Variants in PPIP5K2 observed in about 807,000 individuals in gnomAD.
The protein encoded by PPIP5K2 is inositol hexakisphosphate and diphosphoinositol-pentakisphosphate kinase 2.
Under a neutral mutation model 154.6 loss-of-function variants are expected in PPIP5K2, and 105 were observed. The observed-to-expected ratio is 0.68, with a 90% CI of 0.58 to 0.80. The LOEUF is 0.80. PPIP5K2 is among the 30% of genes least tolerant of loss of function. The probability of loss-of-function intolerance (pLI) is 0.00; values close to 1 mark genes in which losing one functional copy is unlikely to be tolerated. For synonymous variants in PPIP5K2, 480 were observed against 490.3 expected (o/e 0.98, Z 0.28); for missense variants, 992 against 1,504.6 (o/e 0.66, Z 5.64).
intron 5 of PPIP5K2, among the ~76,000 whole-genome samples, chr5:103,145,446 C>T (rs1230381045): frequency 1.3e-5 from 2 of 152,054 alleles, no homozygotes; most frequent in Non-Finnish European, 2.9e-5. Context: ...TATTTGCACT[C>T]ATGTTTATTG....
intron 1 of PPIP5K2, among the ~76,000 whole-genome samples, chr5:103,126,432 C>T (rs1309594760): frequency 1.3e-5 from 2 of 152,078 alleles, no homozygotes; most frequent in Non-Finnish European, 2.9e-5. Context: ...TTTCTACTTA[C>T]ACACATATTT....
In PPIP5K2 at chr5:103,128,767, C is replaced by T. The variant is rs77901281; in HGVS notation, c.-284-539C>T. On this transcript the variant is annotated intron_variant, in intron 1 of 30. Transcript: ENST00000358359. ...TTTAAGAGCTGCTGTTAAATGAAAT[C>T]TTGTTCTGACTCTAATCTTTTTTTG... 6.8e-3 allele frequency among the ~76,000 whole-genome samples: 1,027 copies of T among 152,118 alleles called. 7 individuals are homozygous for T. Among genetic ancestry groups the T allele is most frequent in the Non-Finnish European group, 0.013 (855 of 67,978 alleles).
intron 17 of PPIP5K2, among the ~76,000 whole-genome samples, chr5:103,161,613 C>T (rs1183148584): frequency 2.0e-5 from 3 of 152,164 alleles, no homozygotes; most frequent in Admixed American, 6.6e-5. Flanking sequence ...ACATCCTCTC[C>T]AGCACCTGTT....
At chr5:103,178,528 C>A (rs879950204) in intron 23 of PPIP5K2, among the ~76,000 whole-genome samples, 2 of 151,488 alleles carry the variant, frequency 1.3e-5, no homozygotes, top group African/African-American at 2.4e-5. Flanking sequence ...TATAGAACTC[C>A]TCCAGCTTTG....
intron 29 of PPIP5K2, among the ~76,000 whole-genome samples, chr5:103,193,350 A>G (rs1801563523): frequency 6.6e-6 from 1 of 152,066 alleles, no homozygotes; most frequent in South Asian, 2.1e-4. Context: ...AAGCTGTAGT[A>G]TCATATACAT....
At position 103,136,799 on chromosome 5, in the gene PPIP5K2, T is replaced by C; in HGVS notation, c.378T>C (p.Asn126=). 1.2e-6 allele frequency: 2 copies of C among 1,613,536 alleles called. No homozygotes were observed. The highest frequency in any genetic ancestry group is 1.7e-6 in the Non-Finnish European group (2 of 1,179,540). Residue 126 remains asparagine (N), a synonymous_variant, in exon 4 of 31, where the codon AAT becomes AAC. Coordinates refer to ENST00000358359, the MANE Select transcript of PPIP5K2 (RefSeq NM_001276277.3). ...ATCCATTTGTAATCAATGACTTGAA[T>C]ATGCAGTATCTCATACAAGATAGGT... ...LRNPFVINDL[N]MQYLIQDRRE... is the part of the protein sequence containing the mutation.
chr5:103,133,760 A>G (rs1286909631), intron 3 of PPIP5K2, 112 bp downstream of exon 3: 1 of 796,142 alleles, frequency 1.3e-6, no homozygotes, highest in Non-Finnish European at 1.8e-6. Flanking sequence ...ACTCACTTTC[A>G]TGGACAGGTA....
rs1264407696 is a variant in PPIP5K2 at position 103,211,270 on chromosome 5, C to A, written c.*9636C>A. On this transcript the variant is annotated 3_prime_UTR_variant, in exon 31 of 31. Transcript: ENST00000358359. Reference sequence around the variant, plus strand: ...TACTTACCCTATGAGAAAGACTAGACCTTATACTCATTTTATCTTAACAGT... The same window carrying A: ...TACTTACCCTATGAGAAAGACTAGAACTTATACTCATTTTATCTTAACAGT... The A allele has an allele frequency of 2.6e-5, 4 of 151,518 alleles. No homozygotes were observed. Among genetic ancestry groups the A allele is most frequent in the African/African-American group, 9.8e-5 (4 of 40,932 alleles). The allele number at this position is 151,518 out of a possible 1,614,324, so 9.4% of individuals were successfully genotyped here.
chr5:103,196,487 T>C (rs1802108519), intron 30 of PPIP5K2, among the ~76,000 whole-genome samples: 1 of 152,170 alleles, frequency 6.6e-6, no homozygotes, highest in South Asian at 2.1e-4. Flanking sequence ...TGTATAGTTC[T>C]TTATATTATA....
At chr5:103,177,605 A>G (rs1562477041) in intron 21 of PPIP5K2, 62 bp from the exon 22 acceptor site, 2 of 1,135,032 alleles carry the variant, frequency 1.8e-6, no homozygotes, top group East Asian at 2.5e-5. Flanking sequence ...CATAGTGACA[A>G]TAAAGTGACT....
chr5:103,142,713 T>A (rs1159140138), intron 5 of PPIP5K2, among the ~76,000 whole-genome samples: 1 of 151,614 alleles, frequency 6.6e-6, no homozygotes, highest in Non-Finnish European at 1.5e-5. Flanking sequence ...GAGGCGGAGC[T>A]TGCAGTGAGC....
rs1476437042 is a variant in PPIP5K2 at position 103,203,215 on chromosome 5, T to A, written c.*1581T>A. 1 of 152,530 alleles carries A rather than the reference T, an allele frequency of 6.6e-6. No individual in the cohort carries two copies. Among genetic ancestry groups the A allele is most frequent in the African/African-American group, 2.4e-5 (1 of 41,450 alleles). 9.4% of individuals were successfully genotyped at this position (152,530 alleles called of 1,614,324 possible). On this transcript the variant is annotated 3_prime_UTR_variant, in exon 31 of 31. Transcript: ENST00000358359. ...AAAATATTTCCAGAATCAAAGAGAC[T>A]TAAATGGTAAATTTTTAAAATTTTC... is the stretch of plus-strand genomic sequence containing the variant.
chr5:103,135,502 G>A (rs759673779), intron 3 of PPIP5K2, among the ~76,000 whole-genome samples: 2 of 152,076 alleles, frequency 1.3e-5, no homozygotes. Context: ...TATAGTCATA[G>A]CTCCCTGTAA....
At chr5:103,181,535 G>A (rs1308225238) in intron 24 of PPIP5K2, among the ~76,000 whole-genome samples, 3 of 151,860 alleles carry the variant, frequency 2.0e-5, no homozygotes, top group Non-Finnish European at 4.4e-5. Context: ...CCCCCTGACT[G>A]CACTGCAGCC....
Position 103,153,888 on chromosome 5 carries a change from G to T in PPIP5K2, c.1171G>T (p.Asp391Tyr). ...RCVIAVIRHGDRTPKQKMKME... is the reference protein window; with the variant it reads ...RCVIAVIRHGYRTPKQKMKME... ...TGTCATAGCTGTTATACGTCATGGG[G>T]ATCGAACACCAAAACAAAAAATGAA... Residue 391 changes from aspartate (D) to tyrosine (Y), a missense_variant, in exon 11 of 31, where the codon GAT becomes TAT. Coordinates refer to ENST00000358359, the MANE Select transcript of PPIP5K2 (RefSeq NM_001276277.3). 1 of 1,607,846 alleles carries T rather than the reference G, an allele frequency of 6.2e-7. No homozygotes were observed. The highest frequency in any genetic ancestry group is 1.1e-5 in the South Asian group (1 of 90,158).
chr5:103,194,290 C>T (rs1224191344), intron 29 of PPIP5K2, among the ~76,000 whole-genome samples: 10 of 151,956 alleles, frequency 6.6e-5, no homozygotes, highest in African/African-American at 2.4e-4. Context: ...GCCTCAGCCT[C>T]CCGAGTAGCT....
intron 1 of PPIP5K2, among the ~76,000 whole-genome samples, chr5:103,125,349 C>T (rs1789469947): frequency 6.6e-6 from 1 of 151,922 alleles, no homozygotes; most frequent in South Asian, 2.1e-4. Flanking sequence ...AAATTGAGGC[C>T]ATAAGAAGTT....
Position 103,151,276 on chromosome 5 carries a change from G to T in PPIP5K2, c.930G>T (p.Leu310Phe), listed in dbSNP as rs74743757. The T allele has an allele frequency of 6.2e-7, 1 of 1,605,278 alleles. No homozygotes were observed. Among genetic ancestry groups the T allele is most frequent in the Non-Finnish European group, 8.5e-7 (1 of 1,175,342 alleles). The stretch of plus-strand genomic sequence containing the variant: ...AGCAAACAGTTTGTGGCTTTGATTT[G>T]TTACGGGCCAATGGACAGTCCTATG... Reference protein sequence around the residue: ...AFKQTVCGFDLLRANGQSYVC... With the variant: ...AFKQTVCGFDFLRANGQSYVC... The change falls in exon 9 of 31, where the codon TTG becomes TTT. Residue 310 changes from leucine to phenylalanine, a missense_variant. This residue lies in a region of PPIP5K2 where 163 missense variants were observed against 285.2 expected (regional missense o/e 0.57). Transcript: ENST00000358359.
At chr5:103,142,376 C>T (rs1312789354) in intron 5 of PPIP5K2, among the ~76,000 whole-genome samples, 1 of 152,186 alleles carries the variant, frequency 6.6e-6, no homozygotes. Context: ...CCAGCTGGCC[C>T]GCAAGCACCG....
Sources: gnomAD v4.1 joint callset for allele counts (sites outside exome capture counted in the v4.1 genomes callset) on GRCh38, gnomAD v4.1.1 for gene constraint, gnomAD v4.1.1 regional missense constraint, MANE v1.5 for transcripts, NCBI Gene and HGNC (gene_info 2026-07-23, HGNC 2026-07-21) for gene names.